The following TEC variants were observed in gnomAD, a reference collection of about 807,000 sequenced individuals.
TEC encodes the protein tec protein tyrosine kinase.
A neutral mutation model predicts 93.0 loss-of-function variants in TEC; 72 were observed. The observed-to-expected ratio is 0.77, with a 90% CI of 0.64 to 0.94. The LOEUF is 0.94. TEC is among the 40% of genes least tolerant of loss of function. The probability of loss-of-function intolerance (pLI) is 0.00; values close to 1 mark genes in which losing one functional copy is unlikely to be tolerated. For synonymous variants in TEC, 249 were observed against 247.7 expected, an observed-to-expected ratio of 1.01 and a Z score of -0.05; for missense variants, 630 against 757.9, an observed-to-expected ratio of 0.83 and a Z score of 1.98.
At chr4:48,246,751 A>T (rs967989565) in intron 1 of TEC, among the ~76,000 whole-genome samples, 1 of 152,248 alleles carries the variant, frequency 6.6e-6, no homozygotes, top group African/African-American at 2.4e-5. Context: ...ACAAAAATTA[A>T]CTCAAAATGG....
chr4:48,242,069 G>T (rs554959539), intron 1 of TEC, among the ~76,000 whole-genome samples: 2 of 152,306 alleles, frequency 1.3e-5, no homozygotes, highest in South Asian at 4.2e-4. Context: ...TTTAAAAGTG[G>T]TAATGTGCAG....
intron 10 of TEC, 128 bp downstream of exon 10, chr4:48,150,735 C>A: frequency 1.6e-6 from 1 of 614,680 alleles, no homozygotes; most frequent in East Asian, 2.9e-5. Flanking sequence ...CTTTAGAAAT[C>A]AAGTTCAGGT....
intron 2 of TEC, among the ~76,000 whole-genome samples, chr4:48,201,406 G>A (rs1303534631): frequency 4.6e-5 from 7 of 152,154 alleles, no homozygotes; most frequent in Non-Finnish European, 1.5e-5. Flanking sequence ...CCACTGGAAC[G>A]GATGATGTCT....
chr4:48,186,251 G>C (rs1036411967), intron 2 of TEC, among the ~76,000 whole-genome samples: 1 of 152,224 alleles, frequency 6.6e-6, no homozygotes, highest in South Asian at 2.1e-4. Context: ...CCAAAGTGCC[G>C]AGATTGCAGC....
intron 2 of TEC, among the ~76,000 whole-genome samples, chr4:48,187,506 C>G (rs899397042): frequency 6.6e-6 from 1 of 150,724 alleles, no homozygotes; most frequent in Non-Finnish European, 1.5e-5. Flanking sequence ...CATATAAGAT[C>G]GTGTTGATGT....
chr4:48,220,170 A>G (rs1308240799), intron 2 of TEC, among the ~76,000 whole-genome samples: 1 of 150,152 alleles, frequency 6.7e-6, no homozygotes, highest in Admixed American at 6.6e-5. Context: ...TTTAGGATTG[A>G]GTTCTCCCCA....
At chr4:48,234,222 A>C (rs183716219) in intron 1 of TEC, among the ~76,000 whole-genome samples, 87 of 152,362 alleles carry the variant, frequency 5.7e-4, no homozygotes, top group Admixed American at 1.7e-3. Context: ...ACAGGAGAAT[A>C]AAGACGTTTT....
chr4:48,140,299 G>A (rs1177247213), intron 15 of TEC, among the ~76,000 whole-genome samples: 3 of 152,168 alleles, frequency 2.0e-5, no homozygotes, highest in African/African-American at 7.2e-5. Flanking sequence ...GGCCAGACGT[G>A]TCCCAGACTT....
intron 2 of TEC, among the ~76,000 whole-genome samples, chr4:48,178,572 T>C (rs930907086): frequency 2.0e-5 from 3 of 152,126 alleles, no homozygotes; most frequent in African/African-American, 7.2e-5. Context: ...AGGGTACATT[T>C]TGGGTACATT....
chr4:48,203,948 C>A (rs1227547146), intron 2 of TEC, among the ~76,000 whole-genome samples: 9 of 152,204 alleles, frequency 5.9e-5, no homozygotes, highest in Non-Finnish European at 1.3e-4. Flanking sequence ...TATTAGAAAC[C>A]ACCACATATC....
chr4:48,264,006 A>T (rs747041474), intron 1 of TEC, among the ~76,000 whole-genome samples: 13 of 152,232 alleles, frequency 8.5e-5, no homozygotes, highest in Admixed American at 3.9e-4. Flanking sequence ...CACTATTAGC[A>T]GACTGGACAA....
intron 2 of TEC, among the ~76,000 whole-genome samples, chr4:48,185,570 T>C (rs999909628): frequency 6.6e-6 from 1 of 152,212 alleles, no homozygotes; most frequent in South Asian, 2.1e-4. Context: ...AACTAGCTTA[T>C]AATAGTAACT....
intron 3 of TEC, among the ~76,000 whole-genome samples, chr4:48,175,257 C>T (rs1466995): frequency 0.38 from 57,713 of 152,070 alleles, 11,980 homozygotes; most frequent in East Asian, 0.9. Flanking sequence ...ATAATTCCAA[C>T]GTAATTGATA....
chr4:48,189,810 T>C (rs996641594), intron 2 of TEC, among the ~76,000 whole-genome samples: 4 of 152,228 alleles, frequency 2.6e-5, no homozygotes, highest in Non-Finnish European at 4.4e-5. Context: ...GGTGCTGTCC[T>C]ATGGTTTACG....
At chr4:48,142,353 A>T (rs912085494) in intron 14 of TEC, among the ~76,000 whole-genome samples, 2 of 152,180 alleles carry the variant, frequency 1.3e-5, no homozygotes, top group Non-Finnish European at 2.9e-5. Context: ...ACACAACTGT[A>T]GTACCAGCTA....
intron 11 of TEC, among the ~76,000 whole-genome samples, chr4:48,148,023 C>T (rs1177096754): frequency 6.6e-6 from 1 of 151,994 alleles, no homozygotes; most frequent in African/African-American, 2.4e-5. Context: ...TATGAAATGT[C>T]CAGAATAGGC....
intron 8 of TEC, among the ~76,000 whole-genome samples, chr4:48,158,127 G>C (rs1446306057): frequency 1.3e-5 from 2 of 152,078 alleles, no homozygotes; most frequent in African/African-American, 4.8e-5. Flanking sequence ...TTCCATAAGA[G>C]AACCAGCACC....
chr4:48,145,072 G>C lies in TEC; in HGVS notation c.1470+7C>G, dbSNP rs1206720360. 1 of 1,613,286 alleles carries C rather than the reference G, an allele frequency of 6.2e-7. No homozygotes were observed. Among genetic ancestry groups the C allele is most frequent in the African/African-American group, 1.3e-5 (1 of 74,906 alleles). Reference sequence around the variant, plus strand: ...CAATGAGTGGGAATATGGGTGGCTAGGGTTACCAGATCTCTGTGGATGAAG... The same window carrying C: ...CAATGAGTGGGAATATGGGTGGCTACGGTTACCAGATCTCTGTGGATGAAG... On this transcript the variant is annotated splice_region_variant and intron_variant, in intron 14 of 17. Coordinates refer to ENST00000381501, the MANE Select transcript of TEC (RefSeq NM_003215.3).
intron 2 of TEC, among the ~76,000 whole-genome samples, chr4:48,182,302 G>GT (rs1721623650): frequency 6.9e-6 from 1 of 144,210 alleles, no homozygotes; most frequent in African/African-American, 2.6e-5. Context: ...AAAAAAAATT[G>GT]TGGCCCAAGG....
Sources: allele counts gnomAD v4.1 joint callset (sites outside exome capture counted in the v4.1 genomes callset), GRCh38; gene constraint gnomAD v4.1.1; transcripts MANE v1.5; gene names NCBI Gene and HGNC (gene_info 2026-07-23, HGNC 2026-07-21).